Variants in NCL observed in about 807,000 individuals in gnomAD.
NCL encodes nucleolin multifunctional protein.
NCL carries 4 observed loss-of-function variants against 77.7 expected under a neutral mutation model. The observed-to-expected ratio is 0.05, with a 90% CI of 0.03 to 0.12. NCL has a LOEUF of 0.12. Among genes scored for constraint, NCL ranks in the 10% least tolerant of loss-of-function variants. The probability of loss-of-function intolerance (pLI) is 1.00; values close to 1 mark genes in which losing one functional copy is unlikely to be tolerated. For synonymous variants in NCL, 344 were observed against 297.8 expected (o/e 1.16, Z -1.60); for missense variants, 763 against 860.9 (o/e 0.89, Z 1.42).
chr2:231,463,909 T>G (rs1277419441), intron 1 of NCL: 5 of 196,862 alleles, frequency 2.5e-5, no homozygotes, highest in African/African-American at 4.7e-5. Flanking sequence ...GGACTCCGAC[T>G]AGGGCCGATA....
At position 231,455,233 on chromosome 2, in the gene NCL, TCCTCCTCCTCTG is replaced by T; in HGVS notation, c.2079_2090del (p.Arg694_Gly697del). On this transcript the variant is annotated inframe_deletion, in exon 14 of 14. Transcript: ENST00000322723. ...TCTTTCCTTGTGGCTTGTGGTCACCTCCTCCTCCTCTGCCTCCTCGGAAGCCTCCTCGCCCTA... is the reference window on the plus strand; with the variant it reads ...TCTTTCCTTGTGGCTTGTGGTCACCTCCTCCTCGGAAGCCTCCTCGCCCTA... 6.2e-7 allele frequency: 1 copy of T among 1,613,588 alleles called. No homozygotes were observed. The highest frequency in any genetic ancestry group is 8.5e-7 in the Non-Finnish European group (1 of 1,179,594).
intron 11 of NCL, 200 bp downstream of exon 11, chr2:231,456,431 T>A: frequency 9.2e-7 from 1 of 1,083,746 alleles, no homozygotes; most frequent in Non-Finnish European, 1.4e-6. Context: ...CTTGCTACTC[T>A]GAGTTGACAC....
At position 231,458,404 on chromosome 2, in the gene NCL, C is replaced by A. The variant is rs148459287; in HGVS notation, c.1166-15G>T. On this transcript the variant is annotated splice_polypyrimidine_tract_variant and intron_variant, in intron 7 of 13. Coordinates refer to ENST00000322723, the MANE Select transcript of NCL (RefSeq NM_005381.3). ...CGCATCTCGCTCTAGATTAAAAAAA[C>A]AAAAATGAGCTCTGTGGCCTGAAAA... is the stretch of plus-strand genomic sequence containing the variant. The A allele has an allele frequency of 9.0e-5, 145 of 1,607,908 alleles. No homozygotes were observed. In the African/African-American group the frequency reaches 1.7e-3, roughly 19 times the overall value.
chr2:231,455,689 T>C (rs2046879962), intron 12 of NCL, 65 bp from the exon 13 acceptor site: 4 of 1,526,606 alleles, frequency 2.6e-6, no homozygotes, highest in South Asian at 2.2e-5. Context: ...AAGTTAACTG[T>C]ACATGCTGGG....
chr2:231,461,308 G>C (rs1471993964), intron 3 of NCL, among the ~76,000 whole-genome samples: 1 of 150,992 alleles, frequency 6.6e-6, no homozygotes, highest in Non-Finnish European at 1.5e-5. Context: ...AAATCACTTA[G>C]AAACAAAATC....
In NCL at chr2:231,455,245, G is replaced by A. The variant is rs778728552; in HGVS notation, c.2079C>T (p.Gly693=). 16 of 1,613,884 alleles carry A rather than the reference G, an allele frequency of 9.9e-6. No individual in the cohort carries two copies. Among genetic ancestry groups the A allele is most frequent in the Non-Finnish European group, 1.4e-5 (16 of 1,179,932 alleles). The part of the protein sequence containing the change: ...GFGGRGGFRG[G]RGGGGDHKPQ... ...GCTTGTGGTCACCTCCTCCTCCTCTGCCTCCTCGGAAGCCTCCTCGCCCTA... is the reference window on the plus strand; with the variant it reads ...GCTTGTGGTCACCTCCTCCTCCTCTACCTCCTCGGAAGCCTCCTCGCCCTA... Residue 693 remains glycine (G), a synonymous_variant, in exon 14 of 14, where the codon GGC becomes GGT. Transcript: ENST00000322723.
intron 11 of NCL, 175 bp downstream of exon 11, chr2:231,456,456 T>C (rs768371134): frequency 8.3e-7 from 1 of 1,205,976 alleles, no homozygotes; most frequent in East Asian, 2.3e-5. Context: ...GGATCAGAAC[T>C]TGACTATCTA....
At position 231,458,615 on chromosome 2, in the gene NCL, T is replaced by C. The variant is rs1004578087; in HGVS notation, c.1166-226A>G. Reference sequence around the variant, plus strand: ...AAACTCTCTGTTAGGTACACTGGAGTTCAACCTAGAGTAGACGCGCATAAC... The same window carrying C: ...AAACTCTCTGTTAGGTACACTGGAGCTCAACCTAGAGTAGACGCGCATAAC... On this transcript the variant is annotated intron_variant, in intron 7 of 13. Coordinates refer to ENST00000322723, the MANE Select transcript of NCL (RefSeq NM_005381.3). The C allele has an allele frequency of 1.7e-5, 10 of 579,516 alleles. No individual in the cohort carries two copies. The Admixed American group carries it at 3.4e-4, about 20-fold the overall frequency. 35.9% of individuals were successfully genotyped at this position (579,516 alleles called of 1,614,324 possible).
intron 2 of NCL, chr2:231,462,714 G>GGGTCA: frequency 2.6e-6 from 1 of 379,456 alleles, no homozygotes. Flanking sequence ...GTGCTAAAGA[G>GGGTCA]GGTCAATGGT....
intron 9 of NCL, 82 bp from the exon 10 acceptor site, chr2:231,457,206 A>C: frequency 6.4e-7 from 1 of 1,568,956 alleles, no homozygotes. Context: ...CTTATTCCTA[A>C]GAATTTCAGT....
chr2:231,455,304 G>A, intron 13 of NCL, 37 bp from the exon 14 acceptor site: 3 of 1,613,756 alleles, frequency 1.9e-6, no homozygotes, highest in Non-Finnish European at 2.5e-6. Flanking sequence ...AAAAGAATGG[G>A]TACAAAGCTC....
At chr2:231,460,377 C>A (rs1198850811) in intron 5 of NCL, 84 bp from the exon 6 acceptor site, 13 of 1,593,028 alleles carry the variant, frequency 8.2e-6, no homozygotes, top group Non-Finnish European at 1.0e-5. Flanking sequence ...CACAGCACAT[C>A]AGCACACTAC....
At chr2:231,462,837 G>C (rs1672817252) in intron 2 of NCL, among the ~76,000 whole-genome samples, 1 of 152,142 alleles carries the variant, frequency 6.6e-6, no homozygotes, top group South Asian at 2.1e-4. Flanking sequence ...ATTTTAATTG[G>C]AGGCTAGGAA....
chr2:231,456,607 A>T, intron 11 of NCL, 24 bp downstream of exon 11: 1 of 1,613,794 alleles, frequency 6.2e-7, no homozygotes, highest in Non-Finnish European at 8.5e-7. Flanking sequence ...CCCCAACCAC[A>T]GCACCCTAAC....
Position 231,461,547 on chromosome 2 carries a change from CTCA to C in NCL, c.603_605del (p.Asp201del), listed in dbSNP as rs1448076050. On this transcript the variant is annotated inframe_deletion, in exon 3 of 14. Coordinates refer to ENST00000322723, the MANE Select transcript of NCL (RefSeq NM_005381.3). ...ACCAAGACAACTCCTTACCATCTTC[CTCA>C]TCGTCATCGTCATCCTCATCATCTT... 23 of 1,613,360 alleles carry C rather than the reference CTCA, an allele frequency of 1.4e-5. No individual in the cohort carries two copies. Among genetic ancestry groups the C allele is most frequent in the African/African-American group, 4.0e-5 (3 of 74,880 alleles).
At chr2:231,464,196 C>G in intron 1 of NCL, 140 bp downstream of exon 1, 1 of 1,471,502 alleles carries the variant, frequency 6.8e-7, no homozygotes, top group South Asian at 1.3e-5. Flanking sequence ...GAGACCTCCC[C>G]ACTAATCGCG....
rs2046981631 is a variant in NCL, at chr2:231,464,442, TC to T, written c.-90del. On this transcript the variant is annotated 5_prime_UTR_variant, in exon 1 of 14. Coordinates refer to ENST00000322723, the MANE Select transcript of NCL (RefSeq NM_005381.3). ...CGATGGCGGCCGCGGGTGCTGAAGA[TC>T]CCGGAGCACGTACACCCGAAGGCCA... 6.6e-7 allele frequency: 1 copy of T among 1,518,082 alleles called. No individual in the cohort carries two copies. Among genetic ancestry groups the T allele is most frequent in the Non-Finnish European group, 9.0e-7 (1 of 1,115,236 alleles). The allele number at this position is 1,518,082 out of a possible 1,614,324, so 94.0% of individuals were successfully genotyped here.
chr2:231,461,898 T>G lies in NCL; in HGVS notation c.255A>C (p.Pro85=). The change falls in exon 3 of 14, where the codon CCA becomes CCC. Residue 85 remains proline, a synonymous_variant. Coordinates refer to ENST00000322723, the MANE Select transcript of NCL (RefSeq NM_005381.3). The part of the protein sequence containing the change: ...ATPAKKAAVT[P]GKKAAATPAK... ...CAGGTGTTGCTGCTGCCTTTTTGCC[T>G]GGAGTGACAGCTGCTTTCTTGGCTG... is the stretch of plus-strand genomic sequence containing the variant. 1 of 1,614,224 alleles carries G rather than the reference T, an allele frequency of 6.2e-7. No individual in the cohort carries two copies. Among genetic ancestry groups the G allele is most frequent in the Non-Finnish European group, 8.5e-7 (1 of 1,180,040 alleles).
At chr2:231,456,975 C>G (rs1575259101) in intron 10 of NCL, 26 bp downstream of exon 10, 2 of 1,612,508 alleles carry the variant, frequency 1.2e-6, no homozygotes, top group East Asian at 4.5e-5. Context: ...TAGCCTATAA[C>G]TGATGATACA....
Sources: allele counts gnomAD v4.1 joint callset (sites outside exome capture counted in the v4.1 genomes callset), GRCh38; gene constraint gnomAD v4.1.1; transcripts MANE v1.5; gene names NCBI Gene and HGNC (gene_info 2026-07-23, HGNC 2026-07-21).